Variants in LRRC18 observed in about 807,000 individuals in gnomAD.
The protein encoded by LRRC18 is leucine-rich repeat-containing protein 18.
A neutral mutation model predicts 11.2 loss-of-function variants in LRRC18; 12 were observed. The observed-to-expected ratio is 1.07, with a 90% CI of 0.69 to 1.74. The LOEUF is 1.74. LRRC18 is among the 40% of genes most tolerant of loss of function. The pLI is 0.00. For missense variants in LRRC18, 374 were observed against 330.5 expected, an observed-to-expected ratio of 1.13 and a Z score of -1.02; for synonymous variants, 155 against 130.6, an observed-to-expected ratio of 1.19 and a Z score of -1.27.
exon 1 of LRRC18, chr10:48,913,834 G>A: frequency 6.2e-7 from 1 of 1,614,136 alleles, no homozygotes; most frequent in South Asian, 1.1e-5. Context: ...TTGCTGGTCA[G>A]CCGGTTGTTG....
At chr10:48,910,935 T>C in intron 1 of LRRC18, 1 of 984,008 alleles carries the variant, frequency 1.0e-6, no homozygotes, top group Non-Finnish European at 1.2e-6. Context: ...TGCTGAACCT[T>C]TTGAATACCT....
chr10:48,910,559 C>T (rs1313797997), intron 1 of LRRC18, among the ~76,000 whole-genome samples: 4 of 152,146 alleles, frequency 2.6e-5, no homozygotes, highest in African/African-American at 9.7e-5. Flanking sequence ...CGGAAGATGC[C>T]TCCTAACTGG....
chr10:48,938,105 C>T, the LRRC18 span, among the ~76,000 whole-genome samples: 1 of 152,224 alleles, frequency 6.6e-6, no homozygotes, highest in South Asian at 2.1e-4. Context: ...TTGTGGCTTG[C>T]GTATGCCTAG....
At chr10:48,922,805 A>G in the LRRC18 span, among the ~76,000 whole-genome samples, 1 of 152,330 alleles carries the variant, frequency 6.6e-6, no homozygotes, top group African/African-American at 2.4e-5. Flanking sequence ...CATGAATGGA[A>G]TGATTCCATT....
At chr10:48,923,506 A>ATGTATGTATG in the LRRC18 span, among the ~76,000 whole-genome samples, 4 of 115,116 alleles carry the variant, frequency 3.5e-5, no homozygotes, top group South Asian at 6.7e-4. Context: ...GTATATATAT[A>ATGTATGTATG]TATATATGTC....
At chr10:48,933,388 T>C in the LRRC18 span, among the ~76,000 whole-genome samples, 1 of 152,220 alleles carries the variant, frequency 6.6e-6, no homozygotes. Context: ...CCAGCATCTC[T>C]CTGGTGCCCT....
intron 1 of LRRC18, among the ~76,000 whole-genome samples, chr10:48,910,649 A>G (rs1177801200): frequency 6.6e-6 from 1 of 152,128 alleles, no homozygotes; most frequent in East Asian, 1.9e-4. Context: ...ATTGAGGCAA[A>G]TCCAGCCCAC....
At chr10:48,917,280 C>T (rs1838638211), upstream of LRRC18, among the ~76,000 whole-genome samples, 1 of 152,190 alleles carries the variant, frequency 6.6e-6, no homozygotes, top group Non-Finnish European at 1.5e-5. Context: ...GATACCTATA[C>T]TTACACCTGT....
the LRRC18 span, among the ~76,000 whole-genome samples, chr10:48,934,448 G>A: frequency 6.6e-6 from 1 of 152,202 alleles, no homozygotes. Context: ...AGAAACTTGT[G>A]TGGAGTCACA....
At chr10:48,927,158 G>C in the LRRC18 span, among the ~76,000 whole-genome samples, 1 of 151,840 alleles carries the variant, frequency 6.6e-6, no homozygotes, top group Non-Finnish European at 1.5e-5. Flanking sequence ...CTAACCTCTC[G>C]TTAAGTACTT....
chr10:48,926,687 T>C, the LRRC18 span, among the ~76,000 whole-genome samples: 14 of 152,232 alleles, frequency 9.2e-5, no homozygotes, highest in South Asian at 1.4e-3. Context: ...TGGGTATATT[T>C]CTAAATATAT....
At position 48,910,227 on chromosome 10, in the gene LRRC18, C is replaced by T. The variant is rs1448780137; in HGVS notation, c.*10G>A. On this transcript the variant is annotated 3_prime_UTR_variant, in exon 2 of 2. Coordinates refer to ENST00000374160, the Ensembl canonical transcript of LRRC18. ...AGCTGAGTAGTCTTCAAGATTTTGC[C>T]ACAGCTACTCTAGGAAGATGTCAAG... 4.4e-6 allele frequency: 7 copies of T among 1,604,742 alleles called. No individual in the cohort carries two copies. The East Asian group carries it at 1.1e-4, about 26-fold the overall frequency.
At chr10:48,933,394 GCCCTTTC>G in the LRRC18 span, among the ~76,000 whole-genome samples, 46 of 152,348 alleles carry the variant, frequency 3.0e-4, no homozygotes, top group Middle Eastern at 0.014. Context: ...TCTCTCTGGT[GCCCTTTC>G]CCAAGGACTT....
At chr10:48,916,370 T>TTTTG (rs200916428), upstream of LRRC18, among the ~76,000 whole-genome samples, 2,452 of 152,278 alleles carry the variant, frequency 0.016, 37 homozygotes, top group Non-Finnish European at 0.024. Context: ...GTGTTCTGTT[T>TTTTG]TTTGTTTGTT....
At chr10:48,912,406 C>T (rs1838088074) in intron 1 of LRRC18, among the ~76,000 whole-genome samples, 1 of 152,186 alleles carries the variant, frequency 6.6e-6, no homozygotes, top group Non-Finnish European at 1.5e-5. Context: ...CAAGGGGATG[C>T]CAAGTCAGAA....
At chr10:48,916,295 C>G (rs1267545881), upstream of LRRC18, among the ~76,000 whole-genome samples, 1 of 152,216 alleles carries the variant, frequency 6.6e-6, no homozygotes, top group Non-Finnish European at 1.5e-5. Context: ...AAGAGCCTCT[C>G]TTTCTGGTCC....
At chr10:48,914,192 C>A in exon 1 of LRRC18, 1 of 1,588,012 alleles carries the variant, frequency 6.3e-7, no homozygotes, top group South Asian at 1.1e-5. Context: ...GTTTATTGTT[C>A]TGATTGGATA....
At chr10:48,918,936 G>A (rs1248589491), upstream of LRRC18, among the ~76,000 whole-genome samples, 1 of 152,186 alleles carries the variant, frequency 6.6e-6, no homozygotes, top group Non-Finnish European at 1.5e-5. Flanking sequence ...GATGAGAACT[G>A]CTAGTATAGA....
At chr10:48,933,903 A>T in the LRRC18 span, among the ~76,000 whole-genome samples, 2 of 152,124 alleles carry the variant, frequency 1.3e-5, no homozygotes, top group Non-Finnish European at 2.9e-5. Flanking sequence ...ACTGGGTAAC[A>T]GTGAGAGACC....
Sources: allele counts gnomAD v4.1 joint callset (sites outside exome capture counted in the v4.1 genomes callset), GRCh38; gene constraint gnomAD v4.1.1; transcripts MANE v1.5; gene names NCBI Gene and HGNC (gene_info 2026-07-23, HGNC 2026-07-21).